SYT14: variants seen among roughly 807,000 people sequenced by gnomAD.
SYT14 encodes synaptotagmin 14.
A neutral mutation model predicts 74.2 loss-of-function variants in SYT14; 32 were observed. The ratio of observed to expected loss-of-function variants is 0.43; its 90% CI spans 0.33 to 0.58. SYT14 has a LOEUF of 0.58. Among genes scored for constraint, SYT14 ranks in the 20% least tolerant of loss-of-function variants. The pLI is 0.05. For missense variants in SYT14, 791 were observed against 981.8 expected (o/e 0.81, Z 2.60); for synonymous variants, 298 against 337.7 (o/e 0.88, Z 1.29).
chr1:210,153,688 T>C lies in SYT14; in HGVS notation c.2035-2033T>C, dbSNP rs184397879. Among the ~76,000 whole-genome samples the C allele has an allele frequency of 1.0e-3, 153 of 152,310 alleles. 1 individual carries two copies. Among genetic ancestry groups the C allele is most frequent in the Admixed American group, 2.0e-3 (30 of 15,308 alleles). ...ATTATGTAATCTGCACATAAGGGCT[T>C]TTTAAAAAAATCTAGTCCCCTTCCA... is the stretch of plus-strand genomic sequence containing the variant. On this transcript the variant is annotated intron_variant, in intron 7 of 9. Coordinates refer to ENST00000637265, the Ensembl canonical transcript of SYT14.
At chr1:209,948,180 A>G (rs1459266047) in intron 1 of SYT14, among the ~76,000 whole-genome samples, 2 of 152,178 alleles carry the variant, frequency 1.3e-5, no homozygotes. Flanking sequence ...GTATACCTGT[A>G]CCTGGATGTA....
At chr1:210,074,228 C>G (rs1468679717) in intron 5 of SYT14, among the ~76,000 whole-genome samples, 1 of 152,146 alleles carries the variant, frequency 6.6e-6, no homozygotes, top group Admixed American at 6.5e-5. Flanking sequence ...CTGCGCAAAG[C>G]ACTTAAAACA....
intron 5 of SYT14, among the ~76,000 whole-genome samples, chr1:210,021,495 T>C (rs1442213793): frequency 6.6e-6 from 1 of 152,240 alleles, no homozygotes; most frequent in Non-Finnish European, 1.5e-5. Context: ...ATTGTAGCTC[T>C]TATTTCACAG....
At chr1:209,963,938 A>T (rs1030711209) in intron 2 of SYT14, among the ~76,000 whole-genome samples, 4 of 152,210 alleles carry the variant, frequency 2.6e-5, no homozygotes, top group Admixed American at 6.5e-5. Flanking sequence ...CAGCTATACA[A>T]TACCAGTTAT....
chr1:210,130,417 T>G lies in SYT14; in HGVS notation c.2035-25304T>G, dbSNP rs569491170. On this transcript the variant is annotated intron_variant, in intron 7 of 9. Transcript: ENST00000637265. ...GTATGTAACCTAGAGTATTATAGAT[T>G]ACATTTTTCTTTGGATTCAGTTTAT... 2.6e-5 allele frequency among the ~76,000 whole-genome samples: 4 copies of G among 152,356 alleles called. 1 individual carries two copies. In the South Asian group the frequency reaches 8.3e-4, roughly 32 times the overall value.
chr1:210,019,131 C>CAAAA (rs1215149823), intron 4 of SYT14, among the ~76,000 whole-genome samples: 14,628 of 56,356 alleles, frequency 0.26, 2,241 homozygotes, highest in East Asian at 0.4. Flanking sequence ...TGAGACTCCT[C>CAAAA]AAAAAAAAAA....
In SYT14 at chr1:210,059,291, T is replaced by G. The variant is rs183293961; in HGVS notation, c.1313-35031T>G. ...GAATAAAAATTTCCCATGCAAAAAA[T>G]TCCTGGGAATTTCCCATGCTAAAGT... On this transcript the variant is annotated intron_variant, in intron 5 of 9. Transcript: ENST00000637265. Among the ~76,000 whole-genome samples, 1,129 of 151,760 alleles carry G rather than the reference T, an allele frequency of 7.4e-3. 18 individuals carry two copies. Among genetic ancestry groups the G allele is most frequent in the African/African-American group, 0.026 (1,077 of 41,392 alleles).
intron 5 of SYT14, among the ~76,000 whole-genome samples, chr1:210,054,055 T>G (rs2081050556): frequency 6.6e-6 from 1 of 152,188 alleles, no homozygotes; most frequent in African/African-American, 2.4e-5. Context: ...GTCTTCTCAC[T>G]AATAGTGTTG....
At chr1:209,988,475 G>C (rs546854817) in intron 2 of SYT14, among the ~76,000 whole-genome samples, 1 of 152,132 alleles carries the variant, frequency 6.6e-6, no homozygotes, top group East Asian at 1.9e-4. Flanking sequence ...TTGCATACCT[G>C]ATAATTTCTT....
At chr1:210,101,785 A>G (rs189419575) in intron 7 of SYT14, among the ~76,000 whole-genome samples, 2 of 152,290 alleles carry the variant, frequency 1.3e-5, no homozygotes, top group East Asian at 1.9e-4. Context: ...AGTGATCACT[A>G]GTTACTCTGT....
intron 2 of SYT14, among the ~76,000 whole-genome samples, chr1:209,959,383 A>G (rs955117388): frequency 1.3e-5 from 2 of 152,254 alleles, no homozygotes; most frequent in African/African-American, 2.4e-5. Context: ...AGCTCAGGCA[A>G]TCTGCCCGCC....
chr1:209,938,249 C>A, exon 1 of SYT14: 4 of 1,557,214 alleles, frequency 2.6e-6, no homozygotes, highest in Non-Finnish European at 3.5e-6. Context: ...TTGGTGCGGT[C>A]CATGGCGAGC....
rs1448718905 is a variant in SYT14, at chr1:210,122,199, C to T, written c.2034+21738C>T. On this transcript the variant is annotated intron_variant, in intron 7 of 9. Transcript: ENST00000637265. ...TTCACCGTTTTAGCCGGGATGGTCT[C>T]GATCTCCTGACCTCGTGATCCGCCC... Among the ~76,000 whole-genome samples, 2 of 20,956 alleles carry T rather than the reference C, an allele frequency of 9.5e-5. 1 individual carries two copies. Among genetic ancestry groups the T allele is most frequent in the Non-Finnish European group, 1.6e-4 (2 of 12,864 alleles). 13.7% of individuals were successfully genotyped at this position (20,956 alleles called of 152,430 possible).
intron 1 of SYT14, among the ~76,000 whole-genome samples, chr1:209,943,508 C>CAAAAAAAAAAAAAA (rs58806792): frequency 3.4e-5 from 2 of 59,308 alleles, no homozygotes; most frequent in African/African-American, 6.7e-5. Context: ...GATTCAATCT[C>CAAAAAAAAAAAAAA]AAAAAAAAAA....
At chr1:210,163,159 CTG>C in exon 10 of SYT14, 1 of 453,650 alleles carries the variant, frequency 2.2e-6, no homozygotes, top group Non-Finnish European at 4.4e-6. Flanking sequence ...TCAGTCTTAT[CTG>C]TAACTGTAAC....
chr1:210,078,865 G>A (rs2081564974), intron 5 of SYT14, among the ~76,000 whole-genome samples: 1 of 151,420 alleles, frequency 6.6e-6, no homozygotes, highest in Non-Finnish European at 1.5e-5. Flanking sequence ...TCCCACCTCA[G>A]CTTCCCCAGT....
intron 5 of SYT14, among the ~76,000 whole-genome samples, chr1:210,036,536 T>C (rs2080666857): frequency 6.6e-6 from 1 of 151,972 alleles, no homozygotes; most frequent in Non-Finnish European, 1.5e-5. Context: ...ATGCTTTCTT[T>C]TACCTATTCA....
exon 4 of SYT14, chr1:210,015,871 C>G (rs1379476126): frequency 1.6e-6 from 2 of 1,212,680 alleles, no homozygotes; most frequent in African/African-American, 3.1e-5. Flanking sequence ...TTAAAAGCTA[C>G]AATGTGAATT....
chr1:209,993,541 C>T (rs1250719642), intron 2 of SYT14, among the ~76,000 whole-genome samples: 5 of 152,124 alleles, frequency 3.3e-5, no homozygotes, highest in East Asian at 1.9e-4. Flanking sequence ...ACTGAGGGGG[C>T]GACACGCATG....
Sources: gnomAD v4.1 joint callset for allele counts (sites outside exome capture counted in the v4.1 genomes callset) on GRCh38, gnomAD v4.1.1 for gene constraint, MANE v1.5 for transcripts, NCBI Gene and HGNC (gene_info 2026-07-23, HGNC 2026-07-21) for gene names.